Variants in ZNF385D observed in about 807,000 individuals in gnomAD.
The protein encoded by ZNF385D is zinc finger protein 659.
ZNF385D carries 15 observed loss-of-function variants against 35.8 expected under a neutral mutation model. The observed-to-expected ratio is 0.42, with a 90% confidence interval of 0.28 to 0.64. ZNF385D has a LOEUF of 0.64. Ranked by LOEUF, ZNF385D falls within the 30% of genes least tolerant of loss-of-function variation. ZNF385D has a pLI of 0.23. For missense variants in ZNF385D, 474 were observed against 494.6 expected (o/e 0.96, Z 0.39); for synonymous variants, 212 against 186.8 (o/e 1.13, Z -1.10).
chr3:21,798,875 G>A (rs779794528), intron 3 of ZNF385D, among the ~76,000 whole-genome samples: 1 of 152,070 alleles, frequency 6.6e-6, no homozygotes, highest in Non-Finnish European at 1.5e-5. Flanking sequence ...AATTCACAAT[G>A]TTGTGCAATA....
chr3:22,167,302 C>T (rs978957553), intron 3 of ZNF385D, among the ~76,000 whole-genome samples: 2 of 152,180 alleles, frequency 1.3e-5, no homozygotes. Flanking sequence ...TTTAGCCTTT[C>T]CTTGCACACT....
chr3:22,069,493 A>G (rs1170282174), intron 3 of ZNF385D, among the ~76,000 whole-genome samples: 1 of 152,220 alleles, frequency 6.6e-6, no homozygotes, highest in Admixed American at 6.5e-5. Flanking sequence ...AAGGTAACAT[A>G]AACAATAATA....
chr3:21,960,520 A>C (rs1273258332), intron 3 of ZNF385D, among the ~76,000 whole-genome samples: 1 of 152,090 alleles, frequency 6.6e-6, no homozygotes, highest in Non-Finnish European at 1.5e-5. Context: ...TAGGGAAAAC[A>C]GTGTGGAGAT....
intron 2 of ZNF385D, among the ~76,000 whole-genome samples, chr3:22,345,436 C>G (rs749780085): frequency 2.6e-5 from 4 of 152,208 alleles, no homozygotes; most frequent in Non-Finnish European, 4.4e-5. Context: ...AAAAACTTCA[C>G]ATTCCTTTAT....
chr3:21,827,873 T>G (rs1694744355), intron 3 of ZNF385D, among the ~76,000 whole-genome samples: 1 of 152,232 alleles, frequency 6.6e-6, no homozygotes, highest in African/African-American at 2.4e-5. Flanking sequence ...GCTGAATTTG[T>G]AGCATATGTT....
intron 2 of ZNF385D, among the ~76,000 whole-genome samples, chr3:21,590,115 T>C (rs1474221967): frequency 6.6e-6 from 1 of 152,162 alleles, no homozygotes; most frequent in Non-Finnish European, 1.5e-5. Context: ...TACAGTGGAA[T>C]AGACCTGTAC....
intron 1 of ZNF385D, among the ~76,000 whole-genome samples, chr3:21,693,710 A>G (rs1020638083): frequency 1.3e-5 from 2 of 152,164 alleles, no homozygotes; most frequent in African/African-American, 4.8e-5. Context: ...ACTATTTTTA[A>G]AGGTTTTTAA....
rs553430648 is a variant in ZNF385D at position 21,647,006 on chromosome 3, C to T, written c.165+17880G>A. 3.3e-5 allele frequency among the ~76,000 whole-genome samples: 5 copies of T among 152,234 alleles called. No individual in the cohort carries two copies. The South Asian group carries it at 8.3e-4, about 25-fold the overall frequency. ...GTAGCTAATTTCTTAATGGCATATC[C>T]AGTTTCTTGCTGATAAACAAAACAG... On this transcript the variant is annotated intron_variant, in intron 2 of 7. Transcript: ENST00000281523.
intron 1 of ZNF385D, among the ~76,000 whole-genome samples, chr3:21,703,748 C>T (rs1332777766): frequency 6.6e-6 from 1 of 151,900 alleles, no homozygotes; most frequent in Non-Finnish European, 1.5e-5. Flanking sequence ...GGCCATTATG[C>T]TGGTGAGTTG....
At chr3:21,819,625 TTA>T (rs1217752268) in intron 3 of ZNF385D, among the ~76,000 whole-genome samples, 20 of 140,748 alleles carry the variant, frequency 1.4e-4, no homozygotes, top group African/African-American at 4.7e-4. Flanking sequence ...TATGTATGTA[TTA>T]TATAATTATA....
chr3:21,662,208 G>A (rs1427857332), intron 2 of ZNF385D, among the ~76,000 whole-genome samples: 1 of 152,128 alleles, frequency 6.6e-6, no homozygotes, highest in East Asian at 1.9e-4. Context: ...GCCTTGCAAA[G>A]TTTGTGTGTC....
chr3:21,751,957 A>G (rs1308843478), upstream of ZNF385D, among the ~76,000 whole-genome samples: 1 of 151,378 alleles, frequency 6.6e-6, no homozygotes, highest in Non-Finnish European at 1.5e-5. Context: ...ACATTGTGCC[A>G]TAGTTAGAGT....
intron 3 of ZNF385D, among the ~76,000 whole-genome samples, chr3:22,020,896 T>A (rs578190683): frequency 6.6e-6 from 1 of 152,076 alleles, no homozygotes; most frequent in South Asian, 2.1e-4. Flanking sequence ...AACAGGTCAT[T>A]AGATAAGGAA....
chr3:21,749,221 C>A (rs970830627), intron 1 of ZNF385D, among the ~76,000 whole-genome samples: 3 of 152,150 alleles, frequency 2.0e-5, no homozygotes, highest in African/African-American at 7.2e-5. Context: ...CCCTATGAAT[C>A]ACTCTGCTTT....
chr3:21,634,456 T>C (rs2065371406), intron 2 of ZNF385D, among the ~76,000 whole-genome samples: 1 of 152,058 alleles, frequency 6.6e-6, no homozygotes, highest in Non-Finnish European at 1.5e-5. Context: ...CCATAAAATG[T>C]ATTACAAAAG....
intron 3 of ZNF385D, among the ~76,000 whole-genome samples, chr3:22,119,414 A>G (rs574041498): frequency 6.6e-6 from 1 of 152,170 alleles, no homozygotes; most frequent in South Asian, 2.1e-4. Context: ...TTAAAATGTT[A>G]TATTTAGACA....
chr3:21,698,236 C>G (rs1337833084), intron 1 of ZNF385D, among the ~76,000 whole-genome samples: 1 of 152,042 alleles, frequency 6.6e-6, no homozygotes, highest in East Asian at 1.9e-4. Context: ...AGAAAATGTG[C>G]TCTATATATA....
chr3:21,511,147 C>T (rs1291313204), intron 3 of ZNF385D, 124 bp from the exon 4 acceptor site: 2 of 1,211,038 alleles, frequency 1.7e-6, no homozygotes, highest in Admixed American at 4.8e-5. Flanking sequence ...CTGGCCGTGG[C>T]CAGACAGTGG....
chr3:21,493,958 C>G (rs1160797708), intron 4 of ZNF385D, among the ~76,000 whole-genome samples: 1 of 152,038 alleles, frequency 6.6e-6, no homozygotes, highest in African/African-American at 2.4e-5. Flanking sequence ...CATTTGACTG[C>G]AAGAAAAACA....
Sources: gnomAD v4.1 joint callset for allele counts (sites outside exome capture counted in the v4.1 genomes callset) on GRCh38, gnomAD v4.1.1 for gene constraint, MANE v1.5 for transcripts, NCBI Gene and HGNC (gene_info 2026-07-23, HGNC 2026-07-21) for gene names.